The following CFAP47 variants were observed in gnomAD, a reference collection of about 807,000 sequenced individuals.
CFAP47 encodes the protein cilia and flagella associated protein 47.
CFAP47 carries 29 observed loss-of-function variants against 148.1 expected under a neutral mutation model. The observed-to-expected ratio is 0.20, with a 90% confidence interval of 0.15 to 0.27. The LOEUF (loss-of-function observed/expected upper bound fraction) is 0.27, where lower values mean the gene tolerates loss of function less well. Among genes scored for constraint, CFAP47 ranks in the 10% least tolerant of loss-of-function variants. CFAP47 has a pLI of 1.00. For missense variants in CFAP47, 1,872 were observed against 1,697.5 expected, an observed-to-expected ratio of 1.10 and a Z score of -1.81; for synonymous variants, 664 against 577.3, an observed-to-expected ratio of 1.15 and a Z score of -2.15.
Position 36,138,439 on chromosome X carries a change from A to G in CFAP47, c.5510A>G (p.Glu1837Gly), listed in dbSNP as rs1939083593. ...CTGATTATTGTAAATACTCTTTATGAAATTGACTTTGACGTGGAAATACAG... is the reference window on the plus strand; with the variant it reads ...CTGATTATTGTAAATACTCTTTATGGAATTGACTTTGACGTGGAAATACAG... ...NCLIIVNTLY[E>G]IDFDVEIQAT... The change falls in exon 35 of 64, where the codon GAA becomes GGA. Residue 1837 changes from glutamate (E) to glycine (G), a missense_variant. Coordinates refer to ENST00000378653, the MANE Select transcript of CFAP47 (RefSeq NM_001304548.2). 1.7e-6 allele frequency: 2 copies of G among 1,154,253 alleles called. No homozygotes were observed. Among genetic ancestry groups the G allele is most frequent in the East Asian group, 3.3e-5 (1 of 30,499 alleles).
intron 1 of CFAP47, 104 bp downstream of exon 1, chrX:35,920,152 G>A: frequency 2.1e-6 from 2 of 936,391 alleles, no homozygotes; most frequent in South Asian, 3.2e-5. Flanking sequence ...TGCCGGGATG[G>A]AGGGAGGATT....
chrX:36,306,545 G>A (rs1941350471), intron 54 of CFAP47, among the ~76,000 whole-genome samples: 1 of 110,926 alleles, frequency 9.0e-6, no homozygotes. Flanking sequence ...CCTCCAAGTG[G>A]TGATTATCTT....
intron 57 of CFAP47, among the ~76,000 whole-genome samples, chrX:36,343,696 G>A (rs1941672065): frequency 9.0e-6 from 1 of 111,695 alleles, no homozygotes; most frequent in South Asian, 3.7e-4. Flanking sequence ...GCCCATCAAT[G>A]ATAGATTTTT....
intron 8 of CFAP47, among the ~76,000 whole-genome samples, chrX:35,962,118 T>C (rs1056469417): frequency 3.6e-5 from 4 of 111,574 alleles, no homozygotes; most frequent in African/African-American, 6.5e-5. Flanking sequence ...CCAAAATGCA[T>C]GAATTTTTCA....
chrX:36,037,308 G>A (rs909307204), intron 24 of CFAP47, among the ~76,000 whole-genome samples: 24 of 110,496 alleles, frequency 2.2e-4, no homozygotes, highest in African/African-American at 7.3e-4. Flanking sequence ...CATATCTGTC[G>A]TTTCTTTTAT....
intron 48 of CFAP47, among the ~76,000 whole-genome samples, chrX:36,250,332 C>T (rs782669403): frequency 8.1e-5 from 9 of 110,901 alleles, no homozygotes; most frequent in South Asian, 3.8e-4. Context: ...ATTGCATGAT[C>T]TCAATTATAT....
At chrX:35,998,246 T>C (rs1473181084) in intron 19 of CFAP47, among the ~76,000 whole-genome samples, 1 of 111,535 alleles carries the variant, frequency 9.0e-6, no homozygotes, top group East Asian at 2.8e-4. Flanking sequence ...TTATTGTATG[T>C]ACCCTGAAAA....
At chrX:36,220,391 G>GAT (rs1333064642) in intron 45 of CFAP47, among the ~76,000 whole-genome samples, 19 of 109,359 alleles carry the variant, frequency 1.7e-4, no homozygotes, top group Admixed American at 8.9e-4. Context: ...TTAACACAAA[G>GAT]ATATATATAT....
At chrX:36,258,267 T>C (rs868960198) in intron 49 of CFAP47, among the ~76,000 whole-genome samples, 6 of 112,002 alleles carry the variant, frequency 5.4e-5, no homozygotes, top group East Asian at 2.8e-4. Flanking sequence ...CCCAAACCAA[T>C]AGAGTTAGCT....
At chrX:36,175,299 C>A (rs1035804508) in intron 39 of CFAP47, among the ~76,000 whole-genome samples, 2 of 112,380 alleles carry the variant, frequency 1.8e-5, no homozygotes, top group Non-Finnish European at 3.8e-5. Context: ...CTTCTCTCAG[C>A]TCATCAAGGT....
At chrX:36,363,811 G>T (rs1556019683) in intron 61 of CFAP47, among the ~76,000 whole-genome samples, 1 of 111,511 alleles carries the variant, frequency 9.0e-6, no homozygotes, top group East Asian at 2.8e-4. Flanking sequence ...ATGCTAAATG[G>T]TGGTATTACA....
chrX:35,933,255 T>TCTA (rs201314515), intron 2 of CFAP47, among the ~76,000 whole-genome samples: 1,800 of 105,836 alleles, frequency 0.017, 44 homozygotes, highest in African/African-American at 0.059. Context: ...TAACCATCCA[T>TCTA]CTACTCTCTA....
chrX:36,169,937 C>G (rs1282270886), intron 39 of CFAP47, among the ~76,000 whole-genome samples: 1 of 111,917 alleles, frequency 8.9e-6, no homozygotes, highest in Non-Finnish European at 1.9e-5. Flanking sequence ...TTCCAGGAAG[C>G]AGCAAGACAG....
intron 15 of CFAP47, among the ~76,000 whole-genome samples, chrX:35,982,591 G>T (rs1326730097): frequency 9.0e-6 from 1 of 111,043 alleles, no homozygotes; most frequent in Non-Finnish European, 1.9e-5. Context: ...TTAGTTTTAG[G>T]CTTTACATTT....
chrX:36,344,781 G>T (rs1941683690), intron 57 of CFAP47, among the ~76,000 whole-genome samples: 1 of 111,772 alleles, frequency 8.9e-6, no homozygotes, highest in Non-Finnish European at 1.9e-5. Flanking sequence ...GAGGATGCAT[G>T]CATGGTTTAT....
chrX:36,097,001 T>TTTTGTGG (rs914132746), intron 30 of CFAP47, among the ~76,000 whole-genome samples: 32 of 111,445 alleles, frequency 2.9e-4, no homozygotes, highest in African/African-American at 1.0e-3. Flanking sequence ...CTGTCATATG[T>TTTTGTGG]TTTGTGGTTT....
chrX:36,075,321 G>A (rs1296699449), intron 29 of CFAP47, among the ~76,000 whole-genome samples: 5 of 109,431 alleles, frequency 4.6e-5, no homozygotes, highest in Admixed American at 2.0e-4. Flanking sequence ...TCCGCTTCCC[G>A]GGCTCAAGCA....
At chrX:36,226,829 C>A (rs986463431) in intron 45 of CFAP47, among the ~76,000 whole-genome samples, 2 of 111,096 alleles carry the variant, frequency 1.8e-5, no homozygotes, top group Non-Finnish European at 3.8e-5. Context: ...TGAACTTGTG[C>A]GTTGCAATGA....
chrX:36,121,688 A>G (rs918737214), intron 33 of CFAP47, among the ~76,000 whole-genome samples: 24 of 111,132 alleles, frequency 2.2e-4, no homozygotes, highest in African/African-American at 7.8e-4. Flanking sequence ...ATCCCTCCCC[A>G]TCTTCTGAAC....
Sources: allele counts gnomAD v4.1 joint callset (sites outside exome capture counted in the v4.1 genomes callset), GRCh38; gene constraint gnomAD v4.1.1; transcripts MANE v1.5; gene names NCBI Gene and HGNC (gene_info 2026-07-23, HGNC 2026-07-21).